MYO5A: variants seen among roughly 807,000 people sequenced by gnomAD.
The protein encoded by MYO5A is unconventional myosin-Va.
A neutral mutation model predicts 249.7 loss-of-function variants in MYO5A; 98 were observed. The ratio of observed to expected loss-of-function variants is 0.39; its 90% CI spans 0.33 to 0.46. MYO5A has a LOEUF of 0.46. Ranked by LOEUF, MYO5A falls within the 20% of genes least tolerant of loss-of-function variation. The pLI, the probability that MYO5A is intolerant of heterozygous loss-of-function variation, is 0.98. For missense variants in MYO5A, 1,696 were observed against 2,308.8 expected, an observed-to-expected ratio of 0.73 and a Z score of 5.44; for synonymous variants, 778 against 810.6, an observed-to-expected ratio of 0.96 and a Z score of 0.68.
intron 16 of MYO5A, among the ~76,000 whole-genome samples, chr15:52,381,497 T>C (rs1199474861): frequency 2.0e-5 from 3 of 152,284 alleles, no homozygotes; most frequent in East Asian, 3.9e-4. Flanking sequence ...ATTCCACTTC[T>C]AGAGTCACAT....
At chr15:52,439,621 C>T (rs28663524) in intron 1 of MYO5A, among the ~76,000 whole-genome samples, 5,994 of 152,258 alleles carry the variant, frequency 0.039, 326 homozygotes, top group African/African-American at 0.13. Flanking sequence ...CAACATTCCA[C>T]AGGCTTAGCT....
Position 52,433,215 on chromosome 15 carries a change from G to A in MYO5A, c.98C>T (p.Pro33Leu). ...KSAELLKDYK[P>L]GDKVLLLHLE... ...GTGAAGCAGGAGGACTTTATCTCCT[G>A]GCTTATAATCTTTGAGCAGCTCTGC... The change falls in exon 2 of 42, where the codon CCA (proline) becomes CTA (leucine). Residue 33 changes from proline to leucine, a missense_variant. Physicochemically the swap from Pro to Leu is moderately conservative, Grantham distance 98. Coordinates refer to ENST00000399233, the MANE Select transcript of MYO5A (RefSeq NM_001382347.1). 1 of 1,613,470 alleles carries A rather than the reference G, an allele frequency of 6.2e-7. No homozygotes were observed. The highest frequency in any genetic ancestry group is 2.2e-5 in the East Asian group (1 of 44,832).
intron 25 of MYO5A, among the ~76,000 whole-genome samples, chr15:52,356,020 G>C (rs537338816): frequency 6.6e-6 from 1 of 152,278 alleles, no homozygotes; most frequent in African/African-American, 2.4e-5. Flanking sequence ...CATCATAATG[G>C]AAGTTGTGGA....
chr15:52,448,525 C>G (rs2075943983), intron 1 of MYO5A, among the ~76,000 whole-genome samples: 1 of 152,106 alleles, frequency 6.6e-6, no homozygotes, highest in South Asian at 2.1e-4. Context: ...AGACTTTGGA[C>G]TATTGGGAAT....
intron 12 of MYO5A, among the ~76,000 whole-genome samples, chr15:52,390,753 T>A (rs1384174206): frequency 2.0e-5 from 3 of 151,736 alleles, no homozygotes; most frequent in African/African-American, 7.3e-5. Context: ...GTAGACGGGG[T>A]TTCACCATAT....
At chr15:52,393,398 T>TC (rs2042341815) in intron 11 of MYO5A, among the ~76,000 whole-genome samples, 2 of 151,874 alleles carry the variant, frequency 1.3e-5, no homozygotes, top group African/African-American at 4.8e-5. Context: ...TTTTTTTCTT[T>TC]TCTTTTTTTT....
chr15:52,384,151 C>G lies in MYO5A; in HGVS notation c.1914+10G>C, dbSNP rs1237926382. ...GAAGGAGCGTGGCAGCGGCAGCTCC[C>G]TGAACTCACCTGATGCCCCACTGTT... On this transcript the variant is annotated intron_variant, in intron 15 of 41. Transcript: ENST00000399233. 1 of 1,613,960 alleles carries G rather than the reference C, an allele frequency of 6.2e-7. No homozygotes were observed. Among genetic ancestry groups the G allele is most frequent in the Non-Finnish European group, 8.5e-7 (1 of 1,179,986 alleles).
chr15:52,410,735 G>A (rs529129063), intron 5 of MYO5A, among the ~76,000 whole-genome samples: 7 of 151,940 alleles, frequency 4.6e-5, no homozygotes, highest in African/African-American at 9.6e-5. Flanking sequence ...ATGCCACCAC[G>A]CCCAGCTAAT....
intron 31 of MYO5A, among the ~76,000 whole-genome samples, chr15:52,341,852 G>A (rs532470114): frequency 6.6e-6 from 1 of 152,336 alleles, no homozygotes; most frequent in East Asian, 1.9e-4. Flanking sequence ...CACTAGAGCA[G>A]ATGAATGTCT....
intron 1 of MYO5A, among the ~76,000 whole-genome samples, chr15:52,444,684 C>T (rs2075852217): frequency 6.6e-6 from 1 of 152,172 alleles, no homozygotes; most frequent in Non-Finnish European, 1.5e-5. Flanking sequence ...TCACACTTTC[C>T]TATCATTTTC....
At chr15:52,431,230 T>TAAAAAAAAAA (rs1567119481) in intron 2 of MYO5A, among the ~76,000 whole-genome samples, 1 of 672 alleles carries the variant, frequency 1.5e-3, no homozygotes, top group Non-Finnish European at 6.3e-3. Flanking sequence ...AAATTCCGTC[T>TAAAAAAAAAA]CAAAAAAAAA....
chr15:52,433,977 G>A (rs933720466), intron 1 of MYO5A, among the ~76,000 whole-genome samples: 6 of 150,416 alleles, frequency 4.0e-5, no homozygotes, highest in Non-Finnish European at 7.4e-5. Flanking sequence ...TTACAATTTG[G>A]ATTTTTTTGT....
intron 36 of MYO5A, among the ~76,000 whole-genome samples, chr15:52,324,418 A>T (rs2038496850): frequency 6.6e-6 from 1 of 152,214 alleles, no homozygotes; most frequent in African/African-American, 2.4e-5. Context: ...TTTGTAAACT[A>T]AACCATTTGG....
intron 5 of MYO5A, among the ~76,000 whole-genome samples, chr15:52,412,840 G>T (rs1160835133): frequency 6.6e-6 from 1 of 152,094 alleles, no homozygotes; most frequent in Admixed American, 6.5e-5. Context: ...TTCAATTATG[G>T]TTATTGAAAT....
chr15:52,335,681 C>G (rs79248630), intron 34 of MYO5A, among the ~76,000 whole-genome samples: 7,946 of 152,098 alleles, frequency 0.052, 592 homozygotes, highest in African/African-American at 0.17. Flanking sequence ...GGTTATTTCT[C>G]AAGGAATTTT....
chr15:52,456,477 T>C (rs1027399043), intron 1 of MYO5A, among the ~76,000 whole-genome samples: 1 of 151,864 alleles, frequency 6.6e-6, no homozygotes, highest in African/African-American at 2.4e-5. Context: ...CTAAAATTTA[T>C]ATGGAACCAG....
intron 2 of MYO5A, among the ~76,000 whole-genome samples, chr15:52,430,971 C>A (rs963472051): frequency 9.9e-5 from 15 of 151,840 alleles, no homozygotes; most frequent in Admixed American, 9.2e-4. Flanking sequence ...GTGGCTCATG[C>A]CTGTAATCCC....
chr15:52,407,539 T>C (rs1333622700), intron 7 of MYO5A, 140 bp from the exon 8 acceptor site: 7 of 450,936 alleles, frequency 1.6e-5, no homozygotes, highest in Admixed American at 3.8e-5. Flanking sequence ...TTTTCAATTG[T>C]ATTTTAATAA....
At chr15:52,435,117 A>G (rs1355985675) in intron 1 of MYO5A, among the ~76,000 whole-genome samples, 2 of 152,242 alleles carry the variant, frequency 1.3e-5, no homozygotes, top group South Asian at 2.1e-4. Flanking sequence ...AGAGAAATTT[A>G]TATGACCCAG....
Sources: allele counts gnomAD v4.1 joint callset (sites outside exome capture counted in the v4.1 genomes callset), GRCh38; gene constraint gnomAD v4.1.1; transcripts MANE v1.5; gene names NCBI Gene and HGNC (gene_info 2026-07-23, HGNC 2026-07-21).